CAPN13: variants seen among roughly 807,000 people sequenced by gnomAD.
The protein encoded by CAPN13 is calpain 13.
CAPN13 carries 90 observed loss-of-function variants against 98.4 expected under a neutral mutation model. That is an observed-to-expected ratio of 0.92 (90% confidence interval 0.77 to 1.09). The LOEUF (loss-of-function observed/expected upper bound fraction) is 1.09, where lower values mean the gene tolerates loss of function less well. CAPN13 is among the 50% of genes least tolerant of loss of function. CAPN13 has a pLI of 0.00. For missense variants in CAPN13, 887 were observed against 841.3 expected (o/e 1.05, Z -0.67); for synonymous variants, 330 against 305.5 (o/e 1.08, Z -0.84).
intron 12 of CAPN13, among the ~76,000 whole-genome samples, chr2:30,744,213 A>T (rs1489234276): frequency 6.6e-6 from 1 of 152,242 alleles, no homozygotes; most frequent in Non-Finnish European, 1.5e-5. Context: ...AAGCATAGGG[A>T]TTCCATTTCG....
intron 12 of CAPN13, among the ~76,000 whole-genome samples, chr2:30,744,964 A>G (rs1311554377): frequency 1.3e-5 from 2 of 152,140 alleles, no homozygotes; most frequent in African/African-American, 4.8e-5. Flanking sequence ...GATGTCAGGG[A>G]CCAGAGTCAG....
chr2:30,744,599 G>A (rs1237304507), intron 12 of CAPN13, among the ~76,000 whole-genome samples: 1 of 152,184 alleles, frequency 6.6e-6, no homozygotes, highest in African/African-American at 2.4e-5. Context: ...ATAATTAGAA[G>A]GCAACAGTCT....
In CAPN13 at chr2:30,787,200, T is replaced by C. The variant is rs763585678; in HGVS notation, c.126A>G (p.Ala42=). The change falls in exon 2 of 23, where the codon GCA becomes GCG. Residue 42 remains alanine (A), a synonymous_variant. Transcript: ENST00000295055. ...GRTFKDETFP[A]ADSSIGQKLL... ...GCTTCTGGCCTATGGAAGAATCTGC[T>C]GCAGGGAATGTCTCATCCTTAAACG... 1.2e-6 allele frequency: 2 copies of C among 1,604,304 alleles called. No homozygotes were observed. Among genetic ancestry groups the C allele is most frequent in the South Asian group, 1.1e-5 (1 of 88,608 alleles).
At chr2:30,781,405 G>C (rs1257755280) in intron 2 of CAPN13, among the ~76,000 whole-genome samples, 1 of 152,176 alleles carries the variant, frequency 6.6e-6, no homozygotes, top group Non-Finnish European at 1.5e-5. Flanking sequence ...CTGCATCACG[G>C]AGCGCCCAGA....
At chr2:30,778,835 G>T (rs1673837425) in intron 2 of CAPN13, among the ~76,000 whole-genome samples, 1 of 152,196 alleles carries the variant, frequency 6.6e-6, no homozygotes, top group South Asian at 2.1e-4. Flanking sequence ...CCCGGGTGAG[G>T]GGGACCCTGG....
At chr2:30,755,917 G>A (rs1366578701) in intron 8 of CAPN13, among the ~76,000 whole-genome samples, 1 of 152,130 alleles carries the variant, frequency 6.6e-6, no homozygotes, top group Non-Finnish European at 1.5e-5. Flanking sequence ...AATTATGGCT[G>A]AGATTAGACC....
intron 2 of CAPN13, among the ~76,000 whole-genome samples, chr2:30,778,568 C>A (rs12995645): frequency 0.21 from 31,701 of 152,100 alleles, 3,560 homozygotes; most frequent in South Asian, 0.36. Flanking sequence ...AGAGCAGGCC[C>A]GCAAACTGGA....
rs1671150250 is a variant in CAPN13 at position 30,732,447 on chromosome 2, C to T, written c.1918G>A (p.Ala640Thr). Reference protein sequence around the residue: ...SLVCFLMRLEAMAKTFRNLSK... With the variant: ...SLVCFLMRLETMAKTFRNLSK... The stretch of plus-strand genomic sequence containing the variant: ...CCTTGGGGACACTTACTTGCCATGG[C>T]TTCAAGCCGCATCAGGAAGCAGACC... The change falls in exon 20 of 23, where the codon GCC becomes ACC. Residue 640 changes from alanine (A) to threonine (T), a missense_variant. Physicochemically the swap from Ala to Thr is moderately conservative, Grantham distance 58. Coordinates refer to ENST00000295055, the MANE Select transcript of CAPN13 (RefSeq NM_144575.3). 1.9e-6 allele frequency: 3 copies of T among 1,613,218 alleles called. No individual in the cohort carries two copies. The South Asian group carries it at 3.3e-5, about 18-fold the overall frequency.
At chr2:30,799,787 C>T (rs942504820) in intron 1 of CAPN13, among the ~76,000 whole-genome samples, 2 of 152,098 alleles carry the variant, frequency 1.3e-5, no homozygotes, top group African/African-American at 4.8e-5. Context: ...TAGAAAGCTA[C>T]ACAGGGCCAG....
At chr2:30,782,310 T>C (rs4597573) in intron 2 of CAPN13, among the ~76,000 whole-genome samples, 92,199 of 152,054 alleles carry the variant, frequency 0.61, 28,669 homozygotes, top group African/African-American at 0.7. Flanking sequence ...GTATTCGGCC[T>C]TTTCACATGG....
chr2:30,791,207 C>T (rs1308433608), intron 1 of CAPN13, among the ~76,000 whole-genome samples: 3 of 152,132 alleles, frequency 2.0e-5, no homozygotes, highest in African/African-American at 4.8e-5. Flanking sequence ...AACACAAGAA[C>T]AAATGACAGA....
At chr2:30,779,030 A>G (rs1572860687) in intron 2 of CAPN13, among the ~76,000 whole-genome samples, 1 of 152,192 alleles carries the variant, frequency 6.6e-6, no homozygotes, top group East Asian at 1.9e-4. Flanking sequence ...TCTCTACTGG[A>G]AAAGGGGACT....
chr2:30,734,694 C>T (rs1376556138), intron 18 of CAPN13, among the ~76,000 whole-genome samples, 170 bp from the exon 19 acceptor site: 1 of 152,192 alleles, frequency 6.6e-6, no homozygotes, highest in East Asian at 1.9e-4. Context: ...TCCTGGCTGC[C>T]CGCTGAGGGG....
chr2:30,772,822 C>CT (rs34192316), intron 4 of CAPN13, among the ~76,000 whole-genome samples: 2,161 of 137,628 alleles, frequency 0.016, 55 homozygotes, highest in African/African-American at 0.051. Flanking sequence ...GAGAGCATTT[C>CT]TTTTTTTTTT....
At chr2:30,751,973 G>A (rs1311356900) in intron 10 of CAPN13, among the ~76,000 whole-genome samples, 1 of 152,232 alleles carries the variant, frequency 6.6e-6, no homozygotes, top group Non-Finnish European at 1.5e-5. Context: ...TGGCCCTGAT[G>A]TAAAGGTTTT....
Position 30,758,784 on chromosome 2 carries a change from CCCTTTCCTTTCCTT to C in CAPN13, c.775-661_775-648del, listed in dbSNP as rs1558314557. On this transcript the variant is annotated intron_variant, in intron 7 of 22. Transcript: ENST00000295055. ...TCTTTCCTTTCCTTCCTCCCTCCCT[CCCTTTCCTTTCCTT>C]CCTCCCTCCCTTCCCTTCCTCCCTT... Among the ~76,000 whole-genome samples the C allele has an allele frequency of 5.0e-3, 352 of 70,490 alleles. 5 individuals carry two copies. The highest frequency in any genetic ancestry group is 0.029 in the Middle Eastern group (5 of 172). The allele number at this position is 70,490 out of a possible 152,430, so 46.2% of individuals were successfully genotyped here.
chr2:30,727,772 A>C (rs1258322546), intron 22 of CAPN13, among the ~76,000 whole-genome samples: 1 of 152,140 alleles, frequency 6.6e-6, no homozygotes, highest in East Asian at 1.9e-4. Context: ...TACAAATAGA[A>C]TTTCCGTATG....
At chr2:30,732,366 G>A in intron 20 of CAPN13, 72 bp downstream of exon 20, 1 of 1,590,056 alleles carries the variant, frequency 6.3e-7, no homozygotes, top group African/African-American at 1.3e-5. Flanking sequence ...GGTGGGGTAG[G>A]GGGTGTCCGG....
At chr2:30,738,372 G>A (rs1224623090) in intron 16 of CAPN13, 28 bp downstream of exon 16, 2 of 1,611,418 alleles carry the variant, frequency 1.2e-6, no homozygotes, top group East Asian at 4.5e-5. Context: ...AGGAGGATGG[G>A]GCCAGCTTGC....
Sources: allele counts gnomAD v4.1 joint callset (sites outside exome capture counted in the v4.1 genomes callset), GRCh38; gene constraint gnomAD v4.1.1; transcripts MANE v1.5; gene names NCBI Gene and HGNC (gene_info 2026-07-23, HGNC 2026-07-21).